FAM117A: variants seen among roughly 807,000 people sequenced by gnomAD.
The protein encoded by FAM117A is family with sequence similarity 117 member A.
In FAM117A, 21 loss-of-function variants were observed where a neutral mutation model predicts 44.1. The ratio of observed to expected loss-of-function variants is 0.48; its 90% CI spans 0.34 to 0.69. The LOEUF (loss-of-function observed/expected upper bound fraction) is 0.69, where lower values mean the gene tolerates loss of function less well. Ranked by LOEUF, FAM117A falls within the 30% of genes least tolerant of loss-of-function variation. The pLI is 0.01. For synonymous variants in FAM117A, 220 were observed against 238.3 expected (o/e 0.92, Z 0.71); for missense variants, 498 against 589.9 (o/e 0.84, Z 1.61).
intron 1 of FAM117A, among the ~76,000 whole-genome samples, chr17:49,786,391 G>A (rs779669769): frequency 2.6e-5 from 4 of 152,138 alleles, no homozygotes; most frequent in East Asian, 1.9e-4. Context: ...ATCTCTGAGC[G>A]CTATACATTC....
intron 1 of FAM117A, among the ~76,000 whole-genome samples, chr17:49,758,246 C>T (rs777015220): frequency 5.3e-5 from 8 of 150,710 alleles, no homozygotes; most frequent in East Asian, 2.0e-4. Flanking sequence ...GCAGGAGAAG[C>T]GCTTGAATCT....
rs1184369066 is a variant in FAM117A, at chr17:49,711,330, TG to T, written c.1286del (p.Pro429HisfsTer23). 1 of 1,609,076 alleles carries T rather than the reference TG, an allele frequency of 6.2e-7. No homozygotes were observed. On this transcript the variant is annotated frameshift_variant, in exon 8 of 8. Transcript: ENST00000240364. LOFTEE classifies it high-confidence loss of function. ...TGCGCTGCCATGGCTCGAATGGCAG[TG>T]GGGAGGCCTTGGAGGCTTCCGGATC... Reference protein sequence around the residue: ...RKDPEASKASPLPFEPWQRTP... With the variant: ...RKDPEASKASXLPFEPWQRTP...
At chr17:49,715,685 G>T (rs935240843) in intron 7 of FAM117A, among the ~76,000 whole-genome samples, 32 of 152,164 alleles carry the variant, frequency 2.1e-4, no homozygotes, top group African/African-American at 5.6e-4. Context: ...ACAGGGTGAA[G>T]ACTTGACTCC....
intron 5 of FAM117A, 86 bp from the exon 6 acceptor site, chr17:49,717,800 T>G (rs905974509): frequency 6.4e-5 from 71 of 1,115,078 alleles, no homozygotes; most frequent in Non-Finnish European, 8.5e-5. Flanking sequence ...TTTCCCTTGC[T>G]GCTGTCATTC....
At chr17:49,724,409 G>A (rs1291253793) in intron 2 of FAM117A, 1 of 456,296 alleles carries the variant, frequency 2.2e-6, no homozygotes, top group Non-Finnish European at 4.4e-6. Flanking sequence ...GGTGGTAACA[G>A]AGAGGAAAAA....
At chr17:49,722,414 C>T in intron 3 of FAM117A, 85 bp downstream of exon 3, 1 of 1,109,702 alleles carries the variant, frequency 9.0e-7, no homozygotes, top group Non-Finnish European at 1.3e-6. Flanking sequence ...CAGTGTGACG[C>T]CACCATGGAG....
chr17:49,711,602 A>G, intron 7 of FAM117A, 47 bp from the exon 8 acceptor site: 5 of 1,564,858 alleles, frequency 3.2e-6, no homozygotes, highest in Non-Finnish European at 4.4e-6. Context: ...ACACACAGAG[A>G]GAAACAGACA....
intron 1 of FAM117A, among the ~76,000 whole-genome samples, chr17:49,758,396 C>T (rs879878672): frequency 9.3e-5 from 14 of 150,052 alleles, no homozygotes; most frequent in Middle Eastern, 3.5e-3. Flanking sequence ...GAGGCTGAGG[C>T]GGGTGGATCA....
chr17:49,722,048 G>A (rs750055326), intron 3 of FAM117A, among the ~76,000 whole-genome samples: 3 of 152,182 alleles, frequency 2.0e-5, no homozygotes, highest in Non-Finnish European at 4.4e-5. Context: ...GCAGTGAGCC[G>A]AGATCGTGCC....
intron 5 of FAM117A, chr17:49,718,145 G>A (rs972143382): frequency 6.5e-6 from 1 of 154,450 alleles, no homozygotes; most frequent in Non-Finnish European, 1.4e-5. Context: ...GTATGCTGAT[G>A]ATTAGCATGT....
At chr17:49,716,136 C>T (rs1450016439) in intron 7 of FAM117A, 29 bp downstream of exon 7, 1 of 1,534,666 alleles carries the variant, frequency 6.5e-7, no homozygotes, top group Admixed American at 1.7e-5. Flanking sequence ...ACCCTCCCCT[C>T]CCACACCCTG....
chr17:49,738,465 C>T (rs1362177069), intron 1 of FAM117A, among the ~76,000 whole-genome samples: 1 of 152,078 alleles, frequency 6.6e-6, no homozygotes, highest in African/African-American at 2.4e-5. Context: ...ACCAAGGAAC[C>T]CCCAATCCAG....
chr17:49,720,228 G>A, intron 4 of FAM117A, 98 bp downstream of exon 4: 1 of 938,802 alleles, frequency 1.1e-6, no homozygotes, highest in South Asian at 1.5e-5. Context: ...CAGTGTGGTA[G>A]GGGGCTCGGC....
At chr17:49,735,827 A>G (rs1297989924) in intron 1 of FAM117A, among the ~76,000 whole-genome samples, 1 of 152,174 alleles carries the variant, frequency 6.6e-6, no homozygotes, top group Non-Finnish European at 1.5e-5. Context: ...AAATGTTACT[A>G]TATGGCCAAC....
chr17:49,766,878 A>G (rs2073747247), upstream of FAM117A, among the ~76,000 whole-genome samples: 2 of 152,216 alleles, frequency 1.3e-5, no homozygotes, highest in South Asian at 4.1e-4. Flanking sequence ...AGTAATGTGC[A>G]TGGTTCCATG....
At chr17:49,784,130 T>C (rs1055036355) in intron 1 of FAM117A, among the ~76,000 whole-genome samples, 1 of 152,232 alleles carries the variant, frequency 6.6e-6, no homozygotes, top group Non-Finnish European at 1.5e-5. Flanking sequence ...ATTTGAAATA[T>C]GGTACCTATA....
At chr17:49,775,970 G>GAA (rs2073774518) in intron 1 of FAM117A, among the ~76,000 whole-genome samples, 1 of 152,094 alleles carries the variant, frequency 6.6e-6, no homozygotes, top group Non-Finnish European at 1.5e-5. Context: ...AGAAACCATG[G>GAA]GGATTCCTGA....
Position 49,732,557 on chromosome 17 carries a change from G to T in FAM117A, c.360C>A (p.Ala120=). ...GAFTCCTNDK[A]TQTPLSWQEL... ...CAGGAGAGAGCTTCATTACCTGGGT[G>T]GCCTTGTCATTGGTGCAGCAGGTGA... The change falls in exon 2 of 8, where the codon GCC becomes GCA. Residue 120 remains alanine, a synonymous_variant. Coordinates refer to ENST00000240364, the MANE Select transcript of FAM117A (RefSeq NM_030802.4). The T allele has an allele frequency of 6.2e-7, 1 of 1,614,084 alleles. No individual in the cohort carries two copies. The highest frequency in any genetic ancestry group is 8.5e-7 in the Non-Finnish European group (1 of 1,179,980).
Position 49,770,269 on chromosome 17 carries a change from CAAAAAA to C in FAM117A, c.-621+18222_-621+18227del, listed in dbSNP as rs57966452. Among the ~76,000 whole-genome samples the C allele has an allele frequency of 3.4e-4, 24 of 69,800 alleles. 1 individual carries two copies. The East Asian group carries it at 9.4e-3, about 27-fold the overall frequency. 45.8% of individuals were successfully genotyped at this position (69,800 alleles called of 152,430 possible). A position where few individuals can be genotyped will look rare whatever the true frequency, so the allele number is the denominator to read the frequency against. On this transcript the variant is annotated intron_variant, in intron 1 of 7. Transcript: ENST00000513602. ...TGGTTGACAGAGCAAGACTCTGTAT[CAAAAAA>C]AAAAAAAAAAAAAAAAGGATTTAGA...
Sources: gnomAD v4.1 joint callset for allele counts (sites outside exome capture counted in the v4.1 genomes callset) on GRCh38, gnomAD v4.1.1 for gene constraint, MANE v1.5 for transcripts, NCBI Gene and HGNC (gene_info 2026-07-23, HGNC 2026-07-21) for gene names.